Variants in ASXL1 observed in about 807,000 individuals in gnomAD.
ASXL1 encodes the protein polycomb group protein ASXL1.
Under a neutral mutation model 89.1 loss-of-function variants are expected in ASXL1, and 65 were observed. The observed-to-expected ratio is 0.73, with a 90% confidence interval of 0.60 to 0.90. The LOEUF (loss-of-function observed/expected upper bound fraction) is 0.90. ASXL1 is among the 40% of genes least tolerant of loss of function. The probability of loss-of-function intolerance (pLI) is 0.00; values close to 1 mark genes in which losing one functional copy is unlikely to be tolerated. For synonymous variants in ASXL1, 739 were observed against 746.9 expected, an observed-to-expected ratio of 0.99 and a Z score of 0.17; for missense variants, 1,786 against 1,942.9, an observed-to-expected ratio of 0.92 and a Z score of 1.52.
chr20:32,384,591 G>C (rs1250305284), intron 4 of ASXL1, among the ~76,000 whole-genome samples: 1 of 152,216 alleles, frequency 6.6e-6, no homozygotes, highest in African/African-American at 2.4e-5. Context: ...GTCTTCAAAA[G>C]AAGGGGTATT....
intron 4 of ASXL1, 155 bp from the exon 5 acceptor site, chr20:32,427,973 A>G: frequency 1.9e-6 from 2 of 1,053,148 alleles, no homozygotes; most frequent in Admixed American, 2.1e-5. Flanking sequence ...TATTTATGAA[A>G]AGAACTTGCT....
intron 4 of ASXL1, among the ~76,000 whole-genome samples, chr20:32,376,564 C>G (rs1178690484): frequency 2.6e-5 from 4 of 151,890 alleles, no homozygotes; most frequent in Non-Finnish European, 1.5e-5. Context: ...GCGTGAGCCA[C>G]CACACCCAGC....
rs888961671 is a variant in ASXL1 at position 32,431,621 on chromosome 20, A to G, written c.921A>G (p.Ala307=). ...TDGLLRLSSS[A]LNNEFFTHAA... is the part of the protein sequence containing the mutation. ...GCCTGTTGCGTCTCAGCAGCAGTGC[A>G]CTAAATAACGAGTTTTTTACCCATG... Residue 307 remains alanine, a synonymous_variant, in exon 10 of 13, where the codon GCA becomes GCG. Transcript: ENST00000375687. 6.2e-7 allele frequency: 1 copy of G among 1,614,150 alleles called. No homozygotes were observed. The highest frequency in any genetic ancestry group is 8.5e-7 in the Non-Finnish European group (1 of 1,180,042).
intron 4 of ASXL1, among the ~76,000 whole-genome samples, chr20:32,420,939 A>G (rs531469944): frequency 6.6e-6 from 1 of 152,242 alleles, no homozygotes; most frequent in Admixed American, 6.5e-5. Flanking sequence ...TGAAGCTGGA[A>G]ACCATCATCC....
At chr20:32,365,455 C>G (rs1221895024) in intron 1 of ASXL1, among the ~76,000 whole-genome samples, 1 of 152,132 alleles carries the variant, frequency 6.6e-6, no homozygotes, top group Non-Finnish European at 1.5e-5. Flanking sequence ...TGGCTGTAGA[C>G]AGCAGCATCG....
At chr20:32,418,037 G>A (rs2049167653) in intron 4 of ASXL1, among the ~76,000 whole-genome samples, 1 of 152,076 alleles carries the variant, frequency 6.6e-6, no homozygotes, top group South Asian at 2.1e-4. Flanking sequence ...AATTAGCTGG[G>A]CATAGTGGCA....
chr20:32,374,094 C>G (rs2048340781), intron 4 of ASXL1, among the ~76,000 whole-genome samples: 1 of 151,980 alleles, frequency 6.6e-6, no homozygotes, highest in African/African-American at 2.4e-5. Context: ...CTCACTGCAC[C>G]CTTGACTTCC....
Position 32,434,763 on chromosome 20 carries a change from C to CG in ASXL1, c.2051_2052insG (p.Gly685TrpfsTer33). 6.2e-7 allele frequency: 1 copy of CG among 1,613,682 alleles called. No individual in the cohort carries two copies. Among genetic ancestry groups the CG allele is most frequent in the Non-Finnish European group, 8.5e-7 (1 of 1,179,998 alleles). ...GAGCCCAGGGGAGGCCCGAGCACCC[C>CG]TGGAAAGTGTACGTCAGATCTACAG... On this transcript the variant is annotated frameshift_variant, in exon 13 of 13. Transcript: ENST00000375687. LOFTEE classifies it low-confidence loss of function (END_TRUNC).
intron 4 of ASXL1, among the ~76,000 whole-genome samples, chr20:32,424,573 G>A (rs1050512047): frequency 6.6e-6 from 1 of 152,148 alleles, no homozygotes; most frequent in Non-Finnish European, 1.5e-5. Flanking sequence ...AGAGATGGTG[G>A]TGGCCAACAG....
At chr20:32,359,008 G>T (rs1006281132) in intron 1 of ASXL1, 176 bp downstream of exon 1, 5 of 696,456 alleles carry the variant, frequency 7.2e-6, no homozygotes, top group African/African-American at 3.7e-5. Flanking sequence ...GCTCCGCCGG[G>T]ATGGGATGTG....
At chr20:32,382,214 A>T (rs2048499872) in intron 4 of ASXL1, among the ~76,000 whole-genome samples, 1 of 151,602 alleles carries the variant, frequency 6.6e-6, no homozygotes, top group Non-Finnish European at 1.5e-5. Flanking sequence ...TCCTCAGGTG[A>T]TCCACCCGCC....
chr20:32,416,367 C>T (rs1427265972), intron 4 of ASXL1, among the ~76,000 whole-genome samples: 1 of 152,148 alleles, frequency 6.6e-6, no homozygotes, highest in Non-Finnish European at 1.5e-5. Context: ...TGGAAAATGC[C>T]CTTGGCTTTT....
intron 4 of ASXL1, among the ~76,000 whole-genome samples, chr20:32,418,809 CTTTTTTTTTTTTTTTTTTTTTTTTTTT>C (rs71338437): frequency 9.0e-5 from 5 of 55,698 alleles, no homozygotes; most frequent in Admixed American, 3.2e-4. Context: ...GAATTGACAT[CTTTTTTTTTTTTTTTTTTTTTTTTTTT>C]TTTTTTTTTT....
chr20:32,432,956 A>G lies in ASXL1; in HGVS notation c.1056A>G (p.Glu352=). 1 of 1,614,036 alleles carries G rather than the reference A, an allele frequency of 6.2e-7. No homozygotes were observed. The highest frequency in any genetic ancestry group is 8.5e-7 in the Non-Finnish European group (1 of 1,180,034). ...EKEKKVEQWK[E]KFFEDYYGQK... Reference sequence around the variant, plus strand: ...AAAAGAAGGTGGAACAATGGAAAGAAAAGTTCTTTGAAGACTACTATGGAC... The same window carrying G: ...AAAAGAAGGTGGAACAATGGAAAGAGAAGTTCTTTGAAGACTACTATGGAC... Residue 352 remains glutamate (E), a synonymous_variant, in exon 11 of 13, where the codon GAA becomes GAG. Transcript: ENST00000375687.
At position 32,398,730 on chromosome 20, in the gene ASXL1, C is replaced by G. The variant is rs369512487; in HGVS notation, c.253-29398C>G. ...GTTCACGCCATTCTCCTGCCTCAGC[C>G]TCCCAAGTAGCTGGGACTACAGGCG... On this transcript the variant is annotated intron_variant, in intron 4 of 12. Transcript: ENST00000375687. Among the ~76,000 whole-genome samples the G allele has an allele frequency of 2.7e-5, 4 of 150,446 alleles. No homozygotes were observed. In the East Asian group the frequency reaches 7.9e-4, roughly 30 times the overall value.
At chr20:32,433,212 C>T (rs143019918) in intron 11 of ASXL1, 72 bp from the exon 12 acceptor site, 2 of 1,602,726 alleles carry the variant, frequency 1.2e-6, no homozygotes, top group African/African-American at 1.3e-5. Flanking sequence ...GTTTCTGGGT[C>T]CATATTATTC....
At chr20:32,386,102 T>G (rs1274308023) in intron 4 of ASXL1, among the ~76,000 whole-genome samples, 3 of 152,224 alleles carry the variant, frequency 2.0e-5, no homozygotes, top group Admixed American at 1.3e-4. Flanking sequence ...TTGTTTGATG[T>G]GTCTCTCCTG....
Position 32,422,571 on chromosome 20 carries a change from G to T in ASXL1, c.253-5557G>T, listed in dbSNP as rs895891881. On this transcript the variant is annotated intron_variant, in intron 4 of 12. Coordinates refer to ENST00000375687, the MANE Select transcript of ASXL1 (RefSeq NM_015338.6). Reference sequence around the variant, plus strand: ...CTCTCATGGTAACTGTGTGGTGAAGGATTGGTTAATTTTTTTTTTTTTTTT... The same window carrying T: ...CTCTCATGGTAACTGTGTGGTGAAGTATTGGTTAATTTTTTTTTTTTTTTT... 2.9e-5 allele frequency among the ~76,000 whole-genome samples: 4 copies of T among 139,564 alleles called. No individual in the cohort carries two copies. The South Asian group carries it at 7.3e-4, about 25-fold the overall frequency. The allele number at this position is 139,564 out of a possible 152,430, so 91.6% of individuals were successfully genotyped here.
rs778606251 is a variant in ASXL1, at chr20:32,434,514, C to T, written c.1802C>T (p.Thr601Met). ...YQICPRIIPTTESSCRGWTGA... is the reference protein window; with the variant it reads ...YQICPRIIPTMESSCRGWTGA... Reference sequence around the variant, plus strand: ...ATATGCCCCCGGATCATCCCCACCACGGAGTCCTCCTGCCGGGGTTGGACT... The same window carrying T: ...ATATGCCCCCGGATCATCCCCACCATGGAGTCCTCCTGCCGGGGTTGGACT... Residue 601 changes from threonine (T) to methionine (M), a missense_variant, in exon 13 of 13, where the codon ACG becomes ATG. Thr to Met is a moderately conservative substitution (Grantham distance 81, BLOSUM62 -1). This residue lies in a region of ASXL1 where 1,418 missense variants were observed against 1,427.8 expected (regional missense o/e 0.99). Coordinates refer to ENST00000375687, the MANE Select transcript of ASXL1 (RefSeq NM_015338.6). The T allele has an allele frequency of 9.9e-6, 16 of 1,613,950 alleles. No individual in the cohort carries two copies. Among genetic ancestry groups the T allele is most frequent in the African/African-American group, 5.3e-5 (4 of 74,944 alleles).
Sources: gnomAD v4.1 joint callset for allele counts (sites outside exome capture counted in the v4.1 genomes callset) on GRCh38, gnomAD v4.1.1 for gene constraint, gnomAD v4.1.1 regional missense constraint, MANE v1.5 for transcripts, NCBI Gene and HGNC (gene_info 2026-07-23, HGNC 2026-07-21) for gene names.